Variants in IFNGR2 observed in about 807,000 individuals in gnomAD.
IFNGR2 encodes IFN-gamma receptor 2.
Under a neutral mutation model 41.1 loss-of-function variants are expected in IFNGR2, and 15 were observed. The ratio of observed to expected loss-of-function variants is 0.37; its 90% CI spans 0.24 to 0.56. The LOEUF (loss-of-function observed/expected upper bound fraction) is 0.56. IFNGR2 is among the 20% of genes least tolerant of loss of function. IFNGR2 has a pLI of 0.81. For missense variants in IFNGR2, 362 were observed against 415.7 expected, an observed-to-expected ratio of 0.87 and a Z score of 1.12; for synonymous variants, 161 against 171.6, an observed-to-expected ratio of 0.94 and a Z score of 0.48.
At chr21:33,426,203 A>G (rs2083834350) in intron 3 of IFNGR2, among the ~76,000 whole-genome samples, 1 of 152,132 alleles carries the variant, frequency 6.6e-6, no homozygotes, top group East Asian at 1.9e-4. Context: ...ACCTGAGGTC[A>G]GGAGTTTGAA....
intron 2 of IFNGR2, among the ~76,000 whole-genome samples, chr21:33,417,343 A>G (rs549483835): frequency 6.6e-6 from 1 of 151,922 alleles, no homozygotes; most frequent in African/African-American, 2.4e-5. Flanking sequence ...ACCCACCTCA[A>G]CCTCCCAAAG....
chr21:33,436,840 C>A lies in IFNGR2; in HGVS notation c.892C>A (p.Pro298Thr). The A allele has an allele frequency of 6.2e-7, 1 of 1,614,032 alleles. No individual in the cohort carries two copies. ...CAACCTCCTCAAGTATTTAAAAGACCCAACTCAGCCCATCTTAGAGGCCTT... is the reference window on the plus strand; with the variant it reads ...CAACCTCCTCAAGTATTTAAAAGACACAACTCAGCCCATCTTAGAGGCCTT... ...PLQIEEYLKD[P>T]TQPILEALDK... The change falls in exon 7 of 7, where the codon CCA (proline) becomes ACA (threonine). Residue 298 changes from proline (P) to threonine (T), a missense_variant. Coordinates refer to ENST00000290219, the MANE Select transcript of IFNGR2 (RefSeq NM_005534.4).
At chr21:33,404,592 C>A (rs2083664281) in intron 1 of IFNGR2, among the ~76,000 whole-genome samples, 2 of 152,056 alleles carry the variant, frequency 1.3e-5, no homozygotes, top group Non-Finnish European at 2.9e-5. Flanking sequence ...CCACGCCTGG[C>A]CAATTTTTGT....
intron 1 of IFNGR2, among the ~76,000 whole-genome samples, chr21:33,407,417 C>T (rs546370979): frequency 7.2e-5 from 11 of 152,290 alleles, no homozygotes; most frequent in Non-Finnish European, 7.4e-5. Context: ...CCTTTATAAA[C>T]GATCATGATA....
At chr21:33,411,570 A>G (rs1261261919) in intron 1 of IFNGR2, 5 of 468,412 alleles carry the variant, frequency 1.1e-5, no homozygotes, top group African/African-American at 2.0e-5. Flanking sequence ...GACTCCGCAG[A>G]TGTGAGTAAG....
In IFNGR2 at chr21:33,432,276, A is replaced by AGTAAT; in HGVS notation, c.665_666insTGTAA (p.Ile223ValfsTer9). ...CCAGGCACAACTGCTTTGGAACAAA[A>AGTAAT]GTAACATCTTTAGAGTCGGGCATTT... On this transcript the variant is annotated frameshift_variant, in exon 5 of 7. Transcript: ENST00000290219. LOFTEE classifies it high-confidence loss of function. 1 of 1,614,174 alleles carries AGTAAT rather than the reference A, an allele frequency of 6.2e-7. No individual in the cohort carries two copies. Among genetic ancestry groups the AGTAAT allele is most frequent in the East Asian group, 2.2e-5 (1 of 44,894 alleles).
chr21:33,433,317 T>G (rs192064613), intron 6 of IFNGR2, among the ~76,000 whole-genome samples: 2 of 152,326 alleles, frequency 1.3e-5, no homozygotes, highest in East Asian at 3.9e-4. Context: ...TACACCCATG[T>G]TCATGTTGAC....
chr21:33,434,452 GT>G (rs2083923557), intron 6 of IFNGR2, among the ~76,000 whole-genome samples: 1 of 152,150 alleles, frequency 6.6e-6, no homozygotes, highest in Non-Finnish European at 1.5e-5. Flanking sequence ...AACCCAGGAG[GT>G]GGAAGTTACA....
At position 33,414,990 on chromosome 21, in the gene IFNGR2, G is replaced by A. The variant is rs1374884733; in HGVS notation, c.176G>A (p.Arg59Lys). The A allele has an allele frequency of 1.2e-6, 2 of 1,614,142 alleles. No individual in the cohort carries two copies. The highest frequency in any genetic ancestry group is 1.1e-5 in the South Asian group (1 of 91,084). Residue 59 changes from arginine (R) to lysine (K), a missense_variant, in exon 2 of 7, where the codon AGG becomes AAG. By Grantham distance (26) the Arg-to-Lys change is conservative. Transcript: ENST00000290219. ...CCAGTGGCCCTGAGCAATAGCACGA[G>A]GCCTGTTGTCTACCAAGTGCAGTTT... ...WEPVALSNST[R>K]PVVYQVQFKY...
At chr21:33,408,584 G>C (rs2083694423) in intron 1 of IFNGR2, among the ~76,000 whole-genome samples, 1 of 152,200 alleles carries the variant, frequency 6.6e-6, no homozygotes, top group Admixed American at 6.5e-5. Context: ...GGAAGGCAGA[G>C]TTGTTCATTC....
intron 3 of IFNGR2, among the ~76,000 whole-genome samples, chr21:33,422,389 A>G (rs2083800331): frequency 6.6e-6 from 1 of 152,224 alleles, no homozygotes; most frequent in African/African-American, 2.4e-5. Flanking sequence ...CTTGATTTAG[A>G]CAAACTAATG....
chr21:33,429,454 G>A (rs989143639), intron 4 of IFNGR2, among the ~76,000 whole-genome samples: 4 of 152,148 alleles, frequency 2.6e-5, no homozygotes, highest in African/African-American at 9.7e-5. Context: ...CCACATCTGT[G>A]CCTGGCCCAT....
At chr21:33,432,684 A>G in intron 5 of IFNGR2, 30 bp from the exon 6 acceptor site, 1 of 1,611,700 alleles carries the variant, frequency 6.2e-7, no homozygotes, top group Non-Finnish European at 8.5e-7. Flanking sequence ...TAGGAAGATC[A>G]TTCTGTTCAC....
chr21:33,435,966 CAGG>C (rs1331660306), intron 6 of IFNGR2, among the ~76,000 whole-genome samples: 7 of 148,820 alleles, frequency 4.7e-5, no homozygotes, highest in Admixed American at 6.7e-5. Context: ...GAAGCTGAGG[CAGG>C]AGAATTGCTT....
intron 1 of IFNGR2, 71 bp downstream of exon 1, chr21:33,403,687 G>A (rs896891674): frequency 5.5e-6 from 6 of 1,088,732 alleles, no homozygotes; most frequent in African/African-American, 1.7e-5. Context: ...GGGGACTCCC[G>A]GATCGTGGGG....
intron 1 of IFNGR2, among the ~76,000 whole-genome samples, chr21:33,405,758 C>T (rs559912191): frequency 1.3e-5 from 2 of 152,108 alleles, no homozygotes; most frequent in African/African-American, 2.4e-5. Flanking sequence ...AGGCCAGGCT[C>T]GGTGGCTCAC....
chr21:33,417,085 C>G (rs2123342405), intron 2 of IFNGR2, among the ~76,000 whole-genome samples: 1 of 151,212 alleles, frequency 6.6e-6, no homozygotes, highest in Admixed American at 6.6e-5. Context: ...CCACCCGGTT[C>G]AGATAACTTC....
Position 33,419,250 on chromosome 21 carries a change from C to T in IFNGR2, c.207-2230C>T, listed in dbSNP as rs372306809. On this transcript the variant is annotated intron_variant, in intron 2 of 6. Coordinates refer to ENST00000290219, the MANE Select transcript of IFNGR2 (RefSeq NM_005534.4). ...CCTTCCAAGTAGCTGGGATTACAGG[C>T]GCCCGCCACCATGCCTGGCTAATTT... is the stretch of plus-strand genomic sequence containing the variant. 3.9e-5 allele frequency among the ~76,000 whole-genome samples: 6 copies of T among 152,084 alleles called. No individual in the cohort carries two copies. In the East Asian group the frequency reaches 7.7e-4, roughly 20 times the overall value.
At chr21:33,431,840 G>A (rs1292715002) in intron 4 of IFNGR2, among the ~76,000 whole-genome samples, 1 of 152,180 alleles carries the variant, frequency 6.6e-6, no homozygotes, top group African/African-American at 2.4e-5. Context: ...CCAAAGTGGT[G>A]GGATTATAGG....
Sources: allele counts gnomAD v4.1 joint callset (sites outside exome capture counted in the v4.1 genomes callset), GRCh38; gene constraint gnomAD v4.1.1; transcripts MANE v1.5; gene names NCBI Gene and HGNC (gene_info 2026-07-23, HGNC 2026-07-21).